Variants in CDH13 observed in about 807,000 individuals in gnomAD.
CDH13 encodes the protein cadherin-13.
CDH13 carries 24 observed loss-of-function variants against 63.8 expected under a neutral mutation model. The ratio of observed to expected loss-of-function variants is 0.38; its 90% CI spans 0.27 to 0.53. The LOEUF is 0.53. CDH13 is among the 20% of genes least tolerant of loss of function. CDH13 has a pLI of 0.85. For synonymous variants in CDH13, 503 were observed against 355.3 expected (o/e 1.42, Z -4.67); for missense variants, 1,049 against 903.1 (o/e 1.16, Z -2.07).
chr16:83,083,850 C>T (rs1477664796), intron 3 of CDH13, among the ~76,000 whole-genome samples: 1 of 152,188 alleles, frequency 6.6e-6, no homozygotes, highest in East Asian at 1.9e-4. Context: ...ATTATCCCAC[C>T]CATTTGCCTA....
chr16:82,829,679 A>G (rs1461741444), intron 1 of CDH13: 1 of 152,140 alleles, frequency 6.6e-6, no homozygotes, highest in African/African-American at 2.4e-5. Flanking sequence ...TTGGTATGTG[A>G]AAGGATTTGG....
chr16:82,962,048 A>C (rs1349653282), intron 2 of CDH13, among the ~76,000 whole-genome samples: 1 of 152,228 alleles, frequency 6.6e-6, no homozygotes, highest in African/African-American at 2.4e-5. Context: ...CATGTGGCCC[A>C]CTGGAAGACA....
intron 3 of CDH13, among the ~76,000 whole-genome samples, chr16:83,087,945 C>G (rs7201707): frequency 2.0e-5 from 3 of 151,980 alleles, no homozygotes; most frequent in Non-Finnish European, 4.4e-5. Flanking sequence ...TGAACACTCA[C>G]TTTGGAATAG....
At chr16:83,495,088 T>C (rs1298241882) in intron 7 of CDH13, among the ~76,000 whole-genome samples, 3 of 152,094 alleles carry the variant, frequency 2.0e-5, no homozygotes, top group Non-Finnish European at 2.9e-5. Context: ...CTCTATAAAA[T>C]TTGAAGAGAT....
At chr16:83,784,982 C>T (rs993220896) in intron 13 of CDH13, among the ~76,000 whole-genome samples, 1 of 152,226 alleles carries the variant, frequency 6.6e-6, no homozygotes, top group African/African-American at 2.4e-5. Context: ...GAGGCCACCC[C>T]TCGGAGGCTT....
At chr16:83,060,305 A>C (rs1464933311) in intron 3 of CDH13, among the ~76,000 whole-genome samples, 1 of 152,236 alleles carries the variant, frequency 6.6e-6, no homozygotes, top group African/African-American at 2.4e-5. Context: ...GTCCAGCTGA[A>C]AAATTGTGGA....
chr16:82,704,424 A>G (rs1476542825), intron 1 of CDH13, among the ~76,000 whole-genome samples: 1 of 152,222 alleles, frequency 6.6e-6, no homozygotes, highest in South Asian at 2.1e-4. Flanking sequence ...TCATTTATTC[A>G]TTCATTCAGT....
At position 82,868,206 on chromosome 16, in the gene CDH13, A is replaced by G. The variant is rs1480368305; in HGVS notation, c.157+9733A>G. On this transcript the variant is annotated intron_variant, in intron 2 of 13. Coordinates refer to ENST00000567109, the MANE Select transcript of CDH13 (RefSeq NM_001257.5). ...AAATTATTCTGGTATTGCCTAATTC[A>G]CTCTATCATTATGAAGTTGACGATA... Among the ~76,000 whole-genome samples, 3 of 152,216 alleles carry G rather than the reference A, an allele frequency of 2.0e-5. No individual in the cohort carries two copies. The East Asian group carries it at 5.8e-4, about 29-fold the overall frequency.
intron 10 of CDH13, among the ~76,000 whole-genome samples, chr16:83,738,526 G>T (rs1160162376): frequency 8.9e-4 from 136 of 152,196 alleles, no homozygotes; most frequent in Admixed American, 8.9e-3. Context: ...AGTGGAGTTG[G>T]AGCCACCCCC....
In CDH13 at chr16:83,350,546, T is replaced by C. The variant is rs550703982; in HGVS notation, c.781+5540T>C. ...CTTTCCCTCCCTCTCTTTCCTGTCT[T>C]AGTCCCTTTAATTTTTTTTTCCATC... On this transcript the variant is annotated intron_variant, in intron 6 of 13. Transcript: ENST00000567109. Among the ~76,000 whole-genome samples, 82 of 111,320 alleles carry C rather than the reference T, an allele frequency of 7.4e-4. No individual in the cohort carries two copies. In the East Asian group the frequency reaches 0.016, roughly 21 times the overall value. The allele number at this position is 111,320 out of a possible 152,430, so 73.0% of individuals were successfully genotyped here.
intron 8 of CDH13, among the ~76,000 whole-genome samples, chr16:83,650,726 C>T (rs146811873): frequency 0.011 from 1,612 of 152,100 alleles, 8 homozygotes; most frequent in Middle Eastern, 0.02. Flanking sequence ...TCATTAGTGG[C>T]GAGGTCGAAA....
intron 1 of CDH13, among the ~76,000 whole-genome samples, chr16:82,851,434 CAAAAAA>C (rs146083704): frequency 1.3e-5 from 1 of 79,152 alleles, no homozygotes; most frequent in Admixed American, 1.4e-4. Context: ...GATTTCGTCT[CAAAAAA>C]AAAATAAAAA....
Position 82,858,451 on chromosome 16 carries a change from T to A in CDH13, c.135T>A (p.Ile45=). The part of the protein sequence containing the change: ...VFHINQPAEF[I]EDQSILNLTF... ...ATATCAATCAGCCAGCTGAATTCAT[T>A]GAGGACCAGTCAATTCTAAACTGTA... Residue 45 remains isoleucine, a synonymous_variant, in exon 2 of 14, where the codon ATT becomes ATA. Coordinates refer to ENST00000567109, the MANE Select transcript of CDH13 (RefSeq NM_001257.5). 1 of 1,610,286 alleles carries A rather than the reference T, an allele frequency of 6.2e-7. No individual in the cohort carries two copies. Among genetic ancestry groups the A allele is most frequent in the Non-Finnish European group, 8.5e-7 (1 of 1,176,544 alleles).
chr16:83,080,239 A>G (rs1252879231), intron 3 of CDH13, among the ~76,000 whole-genome samples: 1 of 152,138 alleles, frequency 6.6e-6, no homozygotes, highest in Non-Finnish European at 1.5e-5. Context: ...TCAGGGCCCC[A>G]TGTTGCTCAA....
chr16:83,066,004 T>TTAC (rs2031981461), intron 3 of CDH13, among the ~76,000 whole-genome samples: 1 of 152,348 alleles, frequency 6.6e-6, no homozygotes, highest in Admixed American at 6.5e-5. Context: ...CTCCTGTGTG[T>TTAC]TACTGTAAAG....
At chr16:83,113,741 G>T (rs1469883228) in intron 3 of CDH13, among the ~76,000 whole-genome samples, 1 of 152,164 alleles carries the variant, frequency 6.6e-6, no homozygotes. Flanking sequence ...GCACAAGAGG[G>T]GAGGGACGGG....
At chr16:83,014,109 C>T (rs1288644885) in intron 2 of CDH13, among the ~76,000 whole-genome samples, 4 of 95,874 alleles carry the variant, frequency 4.2e-5, no homozygotes, top group Admixed American at 2.4e-4. Flanking sequence ...AAGTTGAACT[C>T]CTGAATATTC....
intron 6 of CDH13, among the ~76,000 whole-genome samples, chr16:83,485,326 T>A (rs1489308): frequency 6.6e-6 from 1 of 152,236 alleles, no homozygotes; most frequent in Non-Finnish European, 1.5e-5. Flanking sequence ...TGACAATGGA[T>A]ATACCAGTTT....
At chr16:82,960,826 AATT>A (rs1374003043) in intron 2 of CDH13, among the ~76,000 whole-genome samples, 1 of 152,178 alleles carries the variant, frequency 6.6e-6, no homozygotes, top group African/African-American at 2.4e-5. Context: ...CTTTAAAAAA[AATT>A]ATTGTTAATA....
Sources: allele counts gnomAD v4.1 joint callset (sites outside exome capture counted in the v4.1 genomes callset), GRCh38; gene constraint gnomAD v4.1.1; transcripts MANE v1.5; gene names NCBI Gene and HGNC (gene_info 2026-07-23, HGNC 2026-07-21).